The following CDH13 variants were observed in gnomAD, a reference collection of about 807,000 sequenced individuals.
CDH13 encodes cadherin-13.
CDH13 carries 24 observed loss-of-function variants against 63.8 expected under a neutral mutation model. The ratio of observed to expected loss-of-function variants is 0.38; its 90% CI spans 0.27 to 0.53. The LOEUF is 0.53. Among genes scored for constraint, CDH13 ranks in the 20% least tolerant of loss-of-function variants. The pLI is 0.85. For synonymous variants in CDH13, 503 were observed against 355.3 expected (o/e 1.42, Z -4.67); for missense variants, 1,049 against 903.1 (o/e 1.16, Z -2.07).
intron 8 of CDH13, among the ~76,000 whole-genome samples, chr16:83,633,114 C>T (rs974520177): frequency 3.3e-5 from 5 of 152,176 alleles, no homozygotes; most frequent in Non-Finnish European, 7.3e-5. Context: ...TTTACTGCAA[C>T]CTGTTTTATC....
intron 11 of CDH13, among the ~76,000 whole-genome samples, chr16:83,750,710 T>G (rs1053541342): frequency 6.6e-6 from 1 of 152,158 alleles, no homozygotes; most frequent in Admixed American, 6.6e-5. Flanking sequence ...TTCCAAAGAT[T>G]CCCTGTAAAC....
intron 10 of CDH13, among the ~76,000 whole-genome samples, chr16:83,713,734 T>C (rs2053486888): frequency 6.6e-6 from 1 of 152,066 alleles, no homozygotes; most frequent in Admixed American, 6.6e-5. Context: ...TCTGAGGGTT[T>C]GTGGGAAATA....
chr16:83,419,731 C>G lies in CDH13; in HGVS notation c.782-66746C>G, dbSNP rs971092244. 1.3e-5 allele frequency among the ~76,000 whole-genome samples: 2 copies of G among 152,210 alleles called. 1 individual carries two copies. The highest frequency in any genetic ancestry group is 2.9e-5 in the Non-Finnish European group (2 of 68,038). ...GCCCCAAGGCATTCCCATAAGTGTA[C>G]TGGCATTGTGGTTATATACTATGAA... On this transcript the variant is annotated intron_variant, in intron 6 of 13. Transcript: ENST00000567109.
In CDH13 at chr16:83,306,237, G is replaced by C. The variant is rs144644258; in HGVS notation, c.637-38625G>C. Among the ~76,000 whole-genome samples, 345 of 152,350 alleles carry C rather than the reference G, an allele frequency of 2.3e-3. 2 individuals are homozygous for C. The highest frequency in any genetic ancestry group is 7.8e-3 in the African/African-American group (325 of 41,580). On this transcript the variant is annotated intron_variant, in intron 5 of 13. Transcript: ENST00000567109. ...ATAAACAAGGGTAGGTACCGTATCT[G>C]TGCTATGGTTTGGAGGTGGTTTGTT...
intron 1 of CDH13, among the ~76,000 whole-genome samples, chr16:82,801,998 C>A (rs1462050): frequency 0.1 from 15,881 of 152,202 alleles, 1,184 homozygotes; most frequent in East Asian, 0.33. Flanking sequence ...GGTAATGTCA[C>A]CTCCATGGGC....
intron 3 of CDH13, among the ~76,000 whole-genome samples, chr16:83,054,374 T>A (rs1271884253): frequency 6.6e-6 from 1 of 152,202 alleles, no homozygotes; most frequent in Non-Finnish European, 1.5e-5. Flanking sequence ...AATCTTGAAC[T>A]TTGGGGCCAT....
At chr16:83,046,994 A>G (rs1461511046) in intron 3 of CDH13, among the ~76,000 whole-genome samples, 1 of 152,178 alleles carries the variant, frequency 6.6e-6, no homozygotes, top group Non-Finnish European at 1.5e-5. Context: ...GGTTTCCTCA[A>G]CTGTCTATCT....
intron 7 of CDH13, among the ~76,000 whole-genome samples, chr16:83,569,984 C>G (rs887453330): frequency 1.3e-5 from 2 of 152,160 alleles, no homozygotes; most frequent in African/African-American, 4.8e-5. Context: ...ATCTTCCTGC[C>G]TTGGCCTCCC....
chr16:82,703,044 C>T (rs1451122217), intron 1 of CDH13, among the ~76,000 whole-genome samples: 1 of 152,154 alleles, frequency 6.6e-6, no homozygotes, highest in Non-Finnish European at 1.5e-5. Flanking sequence ...CTTACAGCAT[C>T]AGTTCATGAA....
At position 83,487,962 on chromosome 16, in the gene CDH13, C is replaced by G. The variant is rs552294646; in HGVS notation, c.960+1307C>G. ...GTTCTTCCTCCCATCTCTGACTACT[C>G]TTGCCTGTAGCCATCATATAGCAGT... On this transcript the variant is annotated intron_variant, in intron 7 of 13. Transcript: ENST00000567109. Among the ~76,000 whole-genome samples, 4 of 152,352 alleles carry G rather than the reference C, an allele frequency of 2.6e-5. No individual in the cohort carries two copies. The East Asian group carries it at 7.7e-4, about 29-fold the overall frequency.
intron 2 of CDH13, among the ~76,000 whole-genome samples, chr16:82,936,284 T>C (rs1212395986): frequency 6.6e-6 from 1 of 152,176 alleles, no homozygotes; most frequent in African/African-American, 2.4e-5. Context: ...AAGAAAAGCC[T>C]TACCAAGGAT....
intron 4 of CDH13, among the ~76,000 whole-genome samples, chr16:83,205,477 G>A (rs115345307): frequency 2.0e-5 from 3 of 152,092 alleles, no homozygotes; most frequent in Non-Finnish European, 4.4e-5. Flanking sequence ...AGAGTTTATT[G>A]AGCAGTGGTC....
rs180954110 is a variant in CDH13 at position 82,966,687 on chromosome 16, T to C, written c.158-65323T>C. ...AAAAAGAATGTAGGTAATTCCTTTA[T>C]ATTTTTAGTTCAAATTTTTCAAATG... On this transcript the variant is annotated intron_variant, in intron 2 of 13. Transcript: ENST00000567109. Among the ~76,000 whole-genome samples, 482 of 152,332 alleles carry C rather than the reference T, an allele frequency of 3.2e-3. 3 individuals carry two copies. Among genetic ancestry groups the C allele is most frequent in the Non-Finnish European group, 3.7e-3 (254 of 68,028 alleles).
intron 5 of CDH13, among the ~76,000 whole-genome samples, chr16:83,228,011 A>G (rs2039893348): frequency 6.6e-6 from 1 of 152,132 alleles, no homozygotes; most frequent in Admixed American, 6.5e-5. Context: ...CGGAGCCGAT[A>G]AAAGATATAG....
At chr16:83,224,828 T>G (rs1031093737) in intron 5 of CDH13, among the ~76,000 whole-genome samples, 1 of 152,238 alleles carries the variant, frequency 6.6e-6, no homozygotes, top group Non-Finnish European at 1.5e-5. Context: ...TGTTTATCAC[T>G]CAGCCCAGTC....
At position 82,724,207 on chromosome 16, in the gene CDH13, C is replaced by A. The variant is rs576098277; in HGVS notation, c.45+97070C>A. On this transcript the variant is annotated intron_variant, in intron 1 of 13. Transcript: ENST00000567109. Reference sequence around the variant, plus strand: ...CATTTTTGTTCTCAGACAAGTCCTTCTAATTAGTTAGAATTTCATTAATCC... The same window carrying A: ...CATTTTTGTTCTCAGACAAGTCCTTATAATTAGTTAGAATTTCATTAATCC... 2.0e-5 allele frequency among the ~76,000 whole-genome samples: 3 copies of A among 152,266 alleles called. No homozygotes were observed. The South Asian group carries it at 6.2e-4, about 32-fold the overall frequency.
intron 1 of CDH13, among the ~76,000 whole-genome samples, chr16:82,761,900 A>G (rs1244253757): frequency 1.3e-5 from 2 of 152,226 alleles, no homozygotes; most frequent in African/African-American, 2.4e-5. Flanking sequence ...AAAATATAAT[A>G]ACTTTAGATA....
chr16:83,360,099 C>G (rs1377146816), intron 6 of CDH13, among the ~76,000 whole-genome samples: 1 of 152,226 alleles, frequency 6.6e-6, no homozygotes, highest in Non-Finnish European at 1.5e-5. Context: ...TTCTGTGTAG[C>G]AGGTAACAGT....
rs1167230717 is a variant in CDH13 at position 82,875,492 on chromosome 16, C to T, written c.157+17019C>T. 3.3e-5 allele frequency among the ~76,000 whole-genome samples: 5 copies of T among 152,160 alleles called. No homozygotes were observed. The East Asian group carries it at 9.6e-4, about 29-fold the overall frequency. On this transcript the variant is annotated intron_variant, in intron 2 of 13. Coordinates refer to ENST00000567109, the MANE Select transcript of CDH13 (RefSeq NM_001257.5). ...ACAGAAACTAGAGAAGTTCCATGGG[C>T]TTAAGCAATGGGAACTCATAGAATT...
Sources: gnomAD v4.1 joint callset for allele counts (sites outside exome capture counted in the v4.1 genomes callset) on GRCh38, gnomAD v4.1.1 for gene constraint, MANE v1.5 for transcripts, NCBI Gene and HGNC (gene_info 2026-07-23, HGNC 2026-07-21) for gene names.